Variants in KCNIP4 observed in about 807,000 individuals in gnomAD.
KCNIP4 encodes the protein Kv channel-interacting protein 4.
KCNIP4 carries 12 observed loss-of-function variants against 34.0 expected under a neutral mutation model. That is an observed-to-expected ratio of 0.35 (90% CI 0.23 to 0.57). The LOEUF (loss-of-function observed/expected upper bound fraction) is 0.57. Among genes scored for constraint, KCNIP4 ranks in the 20% least tolerant of loss-of-function variants. The pLI, the probability that KCNIP4 is intolerant of heterozygous loss-of-function variation, is 0.83. For missense variants in KCNIP4, 238 were observed against 311.7 expected (o/e 0.76, Z 1.78); for synonymous variants, 124 against 102.2 (o/e 1.21, Z -1.29).
intron 1 of KCNIP4, among the ~76,000 whole-genome samples, chr4:21,215,056 T>C (rs913396170): frequency 1.3e-5 from 2 of 152,222 alleles, no homozygotes; most frequent in African/African-American, 4.8e-5. Context: ...CTTAATCTTA[T>C]AGGTACATAT....
chr4:20,987,816 G>A (rs576685233), intron 1 of KCNIP4, among the ~76,000 whole-genome samples: 40 of 151,304 alleles, frequency 2.6e-4, no homozygotes, highest in Admixed American at 3.3e-4. Context: ...TGGCTAACAC[G>A]GTGAAACCCC....
chr4:21,199,047 T>C (rs1418230743), intron 1 of KCNIP4, among the ~76,000 whole-genome samples: 2 of 152,076 alleles, frequency 1.3e-5, no homozygotes, highest in Non-Finnish European at 2.9e-5. Flanking sequence ...TCCTTTCTCT[T>C]TGTGAGGAGT....
intron 1 of KCNIP4, among the ~76,000 whole-genome samples, chr4:21,914,184 C>G (rs955726261): frequency 3.3e-5 from 5 of 152,104 alleles, no homozygotes; most frequent in Non-Finnish European, 7.4e-5. Context: ...AAGGAAGTCA[C>G]TAGAAGACAA....
At chr4:21,635,448 T>C (rs1204706795) in intron 1 of KCNIP4, among the ~76,000 whole-genome samples, 1 of 152,110 alleles carries the variant, frequency 6.6e-6, no homozygotes, top group Non-Finnish European at 1.5e-5. Flanking sequence ...TTTGAAAGAA[T>C]CTGGAAAGAT....
intron 1 of KCNIP4, among the ~76,000 whole-genome samples, chr4:21,540,102 A>G (rs1282337749): frequency 6.6e-6 from 1 of 152,228 alleles, no homozygotes; most frequent in Non-Finnish European, 1.5e-5. Flanking sequence ...ATTATAACCA[A>G]TATTAATACT....
intron 1 of KCNIP4, among the ~76,000 whole-genome samples, chr4:21,918,445 G>A (rs953088856): frequency 2.0e-5 from 3 of 152,144 alleles, no homozygotes; most frequent in Admixed American, 6.6e-5. Context: ...GCAAAGACAC[G>A]AAACTGTGGA....
chr4:21,948,294 G>A (rs1578173946), intron 1 of KCNIP4, among the ~76,000 whole-genome samples: 1 of 152,196 alleles, frequency 6.6e-6, no homozygotes, highest in Non-Finnish European at 1.5e-5. Flanking sequence ...GAAGGCAAAA[G>A]TACGCACAGG....
intron 1 of KCNIP4, among the ~76,000 whole-genome samples, chr4:21,594,286 T>A (rs1388803493): frequency 6.6e-6 from 1 of 152,148 alleles, no homozygotes; most frequent in African/African-American, 2.4e-5. Flanking sequence ...CAATTCAATA[T>A]TTTTGAAATG....
intron 1 of KCNIP4, among the ~76,000 whole-genome samples, chr4:21,667,852 G>A (rs1237709671): frequency 6.6e-6 from 1 of 152,132 alleles, no homozygotes; most frequent in African/African-American, 2.4e-5. Context: ...TGGGACAGGC[G>A]GTGCAGCAAG....
intron 1 of KCNIP4, among the ~76,000 whole-genome samples, chr4:21,825,405 T>C (rs1047797119): frequency 1.3e-5 from 2 of 152,138 alleles, no homozygotes; most frequent in Admixed American, 6.6e-5. Context: ...TCATTTTTAT[T>C]CCCAACAAAG....
At chr4:21,074,548 C>T (rs571802955) in intron 1 of KCNIP4, among the ~76,000 whole-genome samples, 7 of 152,082 alleles carry the variant, frequency 4.6e-5, no homozygotes, top group Non-Finnish European at 7.4e-5. Flanking sequence ...ATTAGTCTTG[C>T]TAGCGCTCTA....
At chr4:21,771,279 T>C (rs1409599181) in intron 1 of KCNIP4, among the ~76,000 whole-genome samples, 1 of 152,164 alleles carries the variant, frequency 6.6e-6, no homozygotes, top group Non-Finnish European at 1.5e-5. Flanking sequence ...CTGAGATCTC[T>C]GTTCTGCTTC....
At chr4:20,979,592 G>A (rs1735860508) in intron 1 of KCNIP4, among the ~76,000 whole-genome samples, 1 of 151,852 alleles carries the variant, frequency 6.6e-6, no homozygotes, top group Non-Finnish European at 1.5e-5. Flanking sequence ...TAGAGACAGG[G>A]TTTCACCGTG....
chr4:20,798,004 G>A (rs1409152127), intron 3 of KCNIP4, among the ~76,000 whole-genome samples: 10 of 152,188 alleles, frequency 6.6e-5, no homozygotes, highest in African/African-American at 1.7e-4. Flanking sequence ...AATTTGCTAC[G>A]CAGCAATAGA....
intron 1 of KCNIP4, among the ~76,000 whole-genome samples, chr4:21,330,726 A>C (rs1715546469): frequency 1.3e-5 from 2 of 152,204 alleles, no homozygotes; most frequent in Admixed American, 1.3e-4. Flanking sequence ...CATAAGAAGC[A>C]GTGCCATTGA....
At chr4:21,066,220 C>A (rs1744369699) in intron 1 of KCNIP4, among the ~76,000 whole-genome samples, 1 of 152,116 alleles carries the variant, frequency 6.6e-6, no homozygotes, top group Non-Finnish European at 1.5e-5. Context: ...TTGTGCTGAG[C>A]AGGAACCTAT....
intron 1 of KCNIP4, among the ~76,000 whole-genome samples, chr4:21,635,744 A>T (rs1419479408): frequency 1.3e-5 from 2 of 152,144 alleles, no homozygotes; most frequent in African/African-American, 2.4e-5. Context: ...TTCCTCAGGG[A>T]TCTAGAACTG....
At chr4:21,117,313 G>GC (rs1441972044) in intron 1 of KCNIP4, among the ~76,000 whole-genome samples, 4 of 136,538 alleles carry the variant, frequency 2.9e-5, no homozygotes, top group Non-Finnish European at 4.9e-5. Context: ...GGGGGGGGGG[G>GC]GGGGGGCGCT....
At chr4:21,675,882 C>G (rs1295709908) in intron 1 of KCNIP4, among the ~76,000 whole-genome samples, 2 of 152,176 alleles carry the variant, frequency 1.3e-5, no homozygotes, top group African/African-American at 4.8e-5. Context: ...CAGCTTACTT[C>G]TACCAATATA....
Sources: gnomAD v4.1 joint callset for allele counts (sites outside exome capture counted in the v4.1 genomes callset) on GRCh38, gnomAD v4.1.1 for gene constraint, MANE v1.5 for transcripts, NCBI Gene and HGNC (gene_info 2026-07-23, HGNC 2026-07-21) for gene names.